ABTB3: variants seen among roughly 807,000 people sequenced by gnomAD.
ABTB3 encodes ankyrin repeat and BTB domain containing 3, also known as ankyrin repeat- and BTB/POZ domain-containing protein 3.
the ABTB3 span, among the ~76,000 whole-genome samples, chr12:107,648,906 G>A: frequency 1.3e-5 from 2 of 150,366 alleles, no homozygotes; most frequent in Non-Finnish European, 3.0e-5. Flanking sequence ...GTCATGAGGA[G>A]CAGCAGCTTA....
chr12:107,521,442 C>G, the ABTB3 span, among the ~76,000 whole-genome samples: 1 of 152,136 alleles, frequency 6.6e-6, no homozygotes, highest in Non-Finnish European at 1.5e-5. Context: ...GATTTTAACA[C>G]AAATGATTCC....
the ABTB3 span, among the ~76,000 whole-genome samples, chr12:107,474,401 T>C: frequency 6.6e-6 from 1 of 152,084 alleles, no homozygotes; most frequent in Non-Finnish European, 1.5e-5. Context: ...TATAACACGA[T>C]ATTGACACAT....
At chr12:107,491,432 C>A in the ABTB3 span, among the ~76,000 whole-genome samples, 1 of 152,146 alleles carries the variant, frequency 6.6e-6, no homozygotes, top group Non-Finnish European at 1.5e-5. Flanking sequence ...TCATACCAGG[C>A]CTTGTGCTAA....
the ABTB3 span, among the ~76,000 whole-genome samples, chr12:107,645,018 G>C: frequency 7.0e-6 from 1 of 143,586 alleles, no homozygotes; most frequent in Admixed American, 7.3e-5. Flanking sequence ...TGTTGCCCAG[G>C]CTGGAGTGCA....
chr12:107,516,593 G>T, the ABTB3 span, among the ~76,000 whole-genome samples: 1 of 152,170 alleles, frequency 6.6e-6, no homozygotes, highest in Non-Finnish European at 1.5e-5. Context: ...TCCCTACCCC[G>T]TTGTCTCACC....
the ABTB3 span, among the ~76,000 whole-genome samples, chr12:107,453,537 T>A: frequency 6.6e-6 from 1 of 152,224 alleles, no homozygotes; most frequent in Non-Finnish European, 1.5e-5. Context: ...AATCTGCTGG[T>A]GCCTTGGTTT....
chr12:107,618,567 C>T, the ABTB3 span, among the ~76,000 whole-genome samples: 3 of 152,186 alleles, frequency 2.0e-5, no homozygotes, highest in African/African-American at 4.8e-5. Flanking sequence ...GGCCAAGATG[C>T]CCACTCCGTG....
the ABTB3 span, among the ~76,000 whole-genome samples, chr12:107,651,208 C>T: frequency 5.3e-5 from 8 of 152,104 alleles, no homozygotes; most frequent in South Asian, 2.1e-4. Flanking sequence ...GCAGACATGA[C>T]GTCACATCTG....
chr12:107,333,330 C>G, the ABTB3 span, among the ~76,000 whole-genome samples: 1 of 152,176 alleles, frequency 6.6e-6, no homozygotes, highest in Non-Finnish European at 1.5e-5. Flanking sequence ...CCACACATTG[C>G]ACCTGCAAGT....
At chr12:107,319,734 G>C in the ABTB3 span, 748,262 of 1,526,686 alleles carry the variant, frequency 0.49, 186,466 homozygotes, top group Admixed American at 0.54. Context: ...AGTGGCCCTG[G>C]GTCAGGCTCG....
chr12:107,491,995 A>AC, the ABTB3 span, among the ~76,000 whole-genome samples: 1 of 71,802 alleles, frequency 1.4e-5, no homozygotes, highest in African/African-American at 1.1e-4. Context: ...CCTCTAGTCC[A>AC]TCTCCCCAGG....
At chr12:107,560,713 T>C in the ABTB3 span, among the ~76,000 whole-genome samples, 2 of 152,170 alleles carry the variant, frequency 1.3e-5, no homozygotes, top group African/African-American at 4.8e-5. Context: ...CTCCTCCCTC[T>C]CTTTCTGGAT....
At chr12:107,320,460 T>A in the ABTB3 span, 1 of 417,348 alleles carries the variant, frequency 2.4e-6, no homozygotes, top group Non-Finnish European at 4.8e-6. Context: ...GCCACTTCCC[T>A]GGGCGCATGA....
chr12:107,421,606 G>A, the ABTB3 span, among the ~76,000 whole-genome samples: 11 of 152,300 alleles, frequency 7.2e-5, no homozygotes, highest in Middle Eastern at 3.4e-3. Context: ...TGAATTGTTC[G>A]GTAAACGATA....
At chr12:107,618,281 C>T in the ABTB3 span, 29 of 1,613,986 alleles carry the variant, frequency 1.8e-5, no homozygotes, top group Non-Finnish European at 2.4e-5. Flanking sequence ...TGTGCGCCAG[C>T]CGCAACAGCA....
chr12:107,482,980 CTTT>C, the ABTB3 span, among the ~76,000 whole-genome samples: 12 of 24,564 alleles, frequency 4.9e-4, no homozygotes, highest in Admixed American at 9.5e-4. Context: ...TTCTTTCTTT[CTTT>C]CTTTCCTTCC....
chr12:107,532,093 G>T, the ABTB3 span, among the ~76,000 whole-genome samples: 250 of 152,296 alleles, frequency 1.6e-3, 7 homozygotes, highest in East Asian at 0.041. Context: ...CCCCTCCAGT[G>T]GTCCCACACA....
the ABTB3 span, among the ~76,000 whole-genome samples, chr12:107,338,176 G>A: frequency 1.3e-5 from 2 of 152,142 alleles, no homozygotes; most frequent in South Asian, 4.2e-4. Context: ...CTTCCTCAGG[G>A]ACCAAACTCA....
chr12:107,319,062 C>T, the ABTB3 span: 2 of 1,613,384 alleles, frequency 1.2e-6, no homozygotes, highest in African/African-American at 2.7e-5. Flanking sequence ...TGTTCCGACT[C>T]GCACCCGGCG....
Sources: allele counts gnomAD v4.1 joint callset (sites outside exome capture counted in the v4.1 genomes callset), GRCh38; gene constraint gnomAD v4.1.1; transcripts MANE v1.5; gene names NCBI Gene and HGNC (gene_info 2026-07-23, HGNC 2026-07-21).